Variants in CLCA2 observed in about 807,000 individuals in gnomAD.
CLCA2 encodes the protein chloride channel accessory 2.
In CLCA2, 85 loss-of-function variants were observed where a neutral mutation model predicts 82.9. That is an observed-to-expected ratio of 1.03 (90% CI 0.86 to 1.23). The LOEUF (loss-of-function observed/expected upper bound fraction) is 1.23. Ranked by LOEUF, CLCA2 falls within the 50% of genes most tolerant of loss-of-function variation. The pLI is 0.00. For synonymous variants in CLCA2, 421 were observed against 391.7 expected (o/e 1.07, Z -0.88); for missense variants, 1,089 against 1,124.8 (o/e 0.97, Z 0.45).
At chr1:86,449,943 C>G (rs1284567417) in intron 11 of CLCA2, among the ~76,000 whole-genome samples, 1 of 152,066 alleles carries the variant, frequency 6.6e-6, no homozygotes, top group Non-Finnish European at 1.5e-5. Context: ...CAGAATGCCC[C>G]CTGAAGCAAG....
chr1:86,441,400 C>A, intron 8 of CLCA2, 37 bp from the exon 9 acceptor site: 1 of 1,179,746 alleles, frequency 8.5e-7, no homozygotes. Flanking sequence ...TTTATTTTAC[C>A]CATTTTAATA....
chr1:86,427,551 C>CACAT (rs1191211383), intron 2 of CLCA2, among the ~76,000 whole-genome samples: 3 of 150,010 alleles, frequency 2.0e-5, no homozygotes, highest in South Asian at 2.1e-4. Flanking sequence ...CATACATACA[C>CACAT]ACACACACAC....
In CLCA2 at chr1:86,455,341, C is replaced by T. The variant is rs1663053331; in HGVS notation, c.2646C>T (p.Ala882=). ...NSLQSAVSNI[A]QAPLFIPPNS... Reference sequence around the variant, plus strand: ...TACAGTCTGCTGTATCTAACATTGCCCAGGCGCCTCTGTTTATTCCCCCCA... The same window carrying T: ...TACAGTCTGCTGTATCTAACATTGCTCAGGCGCCTCTGTTTATTCCCCCCA... The change falls in exon 14 of 14, where the codon GCC becomes GCT. Residue 882 remains alanine (A), a synonymous_variant. Transcript: ENST00000370565. 1 of 1,612,362 alleles carries T rather than the reference C, an allele frequency of 6.2e-7. No individual in the cohort carries two copies. The highest frequency in any genetic ancestry group is 1.3e-5 in the African/African-American group (1 of 74,822).
At chr1:86,448,046 A>G in intron 11 of CLCA2, 1 of 468,894 alleles carries the variant, frequency 2.1e-6, no homozygotes, top group East Asian at 3.9e-5. Flanking sequence ...CCTGGCTTCC[A>G]CTTGCTGAGG....
chr1:86,424,569 G>A (rs918765171), intron 1 of CLCA2, 136 bp downstream of exon 1: 3 of 677,946 alleles, frequency 4.4e-6, no homozygotes, highest in Non-Finnish European at 6.8e-6. Context: ...GCGCCACAAC[G>A]TTATGATTAT....
chr1:86,454,310 A>G (rs900069333), intron 13 of CLCA2, among the ~76,000 whole-genome samples: 7 of 152,140 alleles, frequency 4.6e-5, no homozygotes, highest in Non-Finnish European at 1.0e-4. Flanking sequence ...TGATGTGTCT[A>G]TTCATGCATC....
rs1296438401 is a variant in CLCA2 at position 86,445,381 on chromosome 1, T to TC, written c.1713+1370_1713+1371insC. On this transcript the variant is annotated intron_variant, in intron 10 of 13. Coordinates refer to ENST00000370565, the MANE Select transcript of CLCA2 (RefSeq NM_006536.7). ...CTTTTTTTTTTTTTTTTTTTTTTTT[T>TC]AGCTTAGAAGATTCGCATTTATTCC... 24 of 139,556 alleles carry TC rather than the reference T, an allele frequency of 1.7e-4. No individual in the cohort carries two copies. In the East Asian group the frequency reaches 3.2e-3, roughly 19 times the overall value. 8.6% of individuals were successfully genotyped at this position (139,556 alleles called of 1,614,324 possible). A position where few individuals can be genotyped will look rare whatever the true frequency, so the allele number is the denominator to read the frequency against.
intron 11 of CLCA2, chr1:86,448,059 A>G (rs1310357822): frequency 2.3e-6 from 1 of 441,912 alleles, no homozygotes; most frequent in Admixed American, 3.8e-5. Context: ...TGCTGAGGTC[A>G]TACAGGAGCA....
At chr1:86,426,401 C>A (rs2101688091) in intron 2 of CLCA2, among the ~76,000 whole-genome samples, 1 of 152,218 alleles carries the variant, frequency 6.6e-6, no homozygotes, top group Admixed American at 6.5e-5. Context: ...AGCTCTCCTT[C>A]AAAGCTACTC....
chr1:86,432,274 G>T (rs1157568916), intron 4 of CLCA2, 95 bp from the exon 5 acceptor site: 15 of 1,441,558 alleles, frequency 1.0e-5, no homozygotes, highest in Admixed American at 2.0e-5. Flanking sequence ...TATCTAGCAG[G>T]CTACAATCCT....
intron 13 of CLCA2, 142 bp from the exon 14 acceptor site, chr1:86,454,943 G>A: frequency 2.0e-6 from 1 of 497,260 alleles, no homozygotes; most frequent in Non-Finnish European, 3.4e-6. Flanking sequence ...GTGTTTTAAA[G>A]TTTTGCTTGT....
rs766040655 is a variant in CLCA2, at chr1:86,424,318, C to T, written c.71C>T (p.Ser24Leu). The change falls in exon 1 of 14, where the codon TCA becomes TTA. Residue 24 changes from serine (S) to leucine (L), a missense_variant. Transcript: ENST00000370565. The stretch of plus-strand genomic sequence containing the variant: ...GTGACTCTCCTGGTTGCCTTAAGTT[C>T]AGAACTCCCATTCCTGGGAGCTGGA... ...KFVTLLVALS[S>L]ELPFLGAGVQ... 9.3e-6 allele frequency: 15 copies of T among 1,613,916 alleles called. No individual in the cohort carries two copies. The highest frequency in any genetic ancestry group is 8.3e-5 in the Admixed American group (5 of 59,996).
At chr1:86,428,598 T>C in intron 3 of CLCA2, 30 bp downstream of exon 3, 3 of 1,604,534 alleles carry the variant, frequency 1.9e-6, no homozygotes, top group Non-Finnish European at 2.6e-6. Context: ...CAATAGCCAT[T>C]GGACAATACT....
chr1:86,453,377 C>T lies in CLCA2; in HGVS notation c.2164C>T (p.Gln722Ter). Residue 722 changes from glutamine (Q) to a stop codon, truncating the protein, a stop_gained, in exon 13 of 14, where the codon CAG becomes TAG. Transcript: ENST00000370565. LOFTEE classifies it high-confidence loss of function. ...VPGYTANGNI[Q>*]MNAPRKSVGR... Reference sequence around the variant, plus strand: ...TTTCTTTTTTGTCTCAGGTAATATTCAGATGAATGCTCCAAGGAAATCAGT... The same window carrying T: ...TTTCTTTTTTGTCTCAGGTAATATTTAGATGAATGCTCCAAGGAAATCAGT... 6.2e-7 allele frequency: 1 copy of T among 1,612,928 alleles called. No homozygotes were observed. The highest frequency in any genetic ancestry group is 8.5e-7 in the Non-Finnish European group (1 of 1,179,384).
At chr1:86,448,432 G>C (rs575514118) in intron 11 of CLCA2, 1 of 152,240 alleles carries the variant, frequency 6.6e-6, no homozygotes, top group Non-Finnish European at 1.5e-5. Flanking sequence ...TCAGAGCCTC[G>C]TCATCATACA....
Position 86,455,440 on chromosome 1 carries a change from C to A in CLCA2, c.2745C>A (p.Ile915=). The change falls in exon 14 of 14, where the codon ATC becomes ATA. Residue 915 remains isoleucine (I), a synonymous_variant. Coordinates refer to ENST00000370565, the MANE Select transcript of CLCA2 (RefSeq NM_006536.7). ...TAACAGCAATGGGTTTGATAGGAATCATTTGCCTTATTATAGTTGTGACAC... is the reference window on the plus strand; with the variant it reads ...TAACAGCAATGGGTTTGATAGGAATAATTTGCCTTATTATAGTTGTGACAC... ...GVLTAMGLIG[I]ICLIIVVTHH... 6.3e-7 allele frequency: 1 copy of A among 1,592,400 alleles called. No homozygotes were observed. Among genetic ancestry groups the A allele is most frequent in the Non-Finnish European group, 8.5e-7 (1 of 1,171,882 alleles).
At chr1:86,451,816 C>A (rs1300396799) in intron 12 of CLCA2, among the ~76,000 whole-genome samples, 1 of 152,136 alleles carries the variant, frequency 6.6e-6, no homozygotes, top group African/African-American at 2.4e-5. Context: ...GTACCCTCTT[C>A]GTAGCCTTGT....
intron 9 of CLCA2, among the ~76,000 whole-genome samples, chr1:86,442,274 T>A (rs1558112847): frequency 6.6e-6 from 1 of 152,180 alleles, no homozygotes; most frequent in Non-Finnish European, 1.5e-5. Flanking sequence ...GAAGTAAAAA[T>A]GTGAATTATA....
intron 1 of CLCA2, 31 bp from the exon 2 acceptor site, chr1:86,425,308 T>C: frequency 6.7e-7 from 1 of 1,502,404 alleles, no homozygotes; most frequent in East Asian, 2.4e-5. Flanking sequence ...TTACAAGTGG[T>C]AAAGTAAGTT....
Sources: gnomAD v4.1 joint callset for allele counts (sites outside exome capture counted in the v4.1 genomes callset) on GRCh38, gnomAD v4.1.1 for gene constraint, MANE v1.5 for transcripts, NCBI Gene and HGNC (gene_info 2026-07-23, HGNC 2026-07-21) for gene names.